The following IL3RA variants were observed in gnomAD, a reference collection of about 807,000 sequenced individuals.
IL3RA encodes the protein interleukin 3 receptor subunit alpha.
Under a neutral mutation model 52.3 loss-of-function variants are expected in IL3RA, and 73 were observed. The ratio of observed to expected loss-of-function variants is 1.40; its 90% confidence interval spans 1.16 to 1.70. The LOEUF is 1.70. Ranked by LOEUF, IL3RA falls within the 40% of genes most tolerant of loss-of-function variation. The pLI, the probability that IL3RA is intolerant of heterozygous loss-of-function variation, is 0.00. For synonymous variants in IL3RA, 260 were observed against 194.0 expected (o/e 1.34, Z -2.83); for missense variants, 664 against 504.4 (o/e 1.32, Z -3.03).
chrX:1,358,923 A>C, intron 8 of IL3RA, 36 bp downstream of exon 8: 2 of 1,568,028 alleles, frequency 1.3e-6, no homozygotes, highest in Non-Finnish European at 1.7e-6. Context: ...TGTACTTGAC[A>C]TTGCAAAGGG....
intron 2 of IL3RA, 44 bp from the exon 3 acceptor site, chrX:1,345,272 G>C (rs762454273): frequency 7.4e-7 from 1 of 1,342,452 alleles, no homozygotes. Flanking sequence ...GCCGTTTTAA[G>C]ATTCTTACGT....
rs2088967861 is a variant in IL3RA at position 1,378,651 on chromosome X, AC to A, written c.875-4del. 15 of 1,610,480 alleles carry A rather than the reference AC, an allele frequency of 9.3e-6. No individual in the cohort carries two copies. The highest frequency in any genetic ancestry group is 1.3e-5 in the Non-Finnish European group (15 of 1,178,860). ...CCGGTCTGTGACCCTCTCACCCTTT[AC>A]CCCTAGAGTGCGACCAGGAGGAGGG... is the stretch of plus-strand genomic sequence containing the variant. On this transcript the variant is annotated splice_region_variant and splice_polypyrimidine_tract_variant and intron_variant, in intron 9 of 11. Transcript: ENST00000331035.
intron 10 of IL3RA, among the ~76,000 whole-genome samples, chrX:1,380,328 A>T: frequency 7.1e-6 from 1 of 141,332 alleles, no homozygotes; most frequent in Non-Finnish European, 1.5e-5. Flanking sequence ...ATGACCAGCC[A>T]GGCCCTGTTT....
At chrX:1,344,220 G>C (rs2085626206) in intron 2 of IL3RA, among the ~76,000 whole-genome samples, 1 of 151,952 alleles carries the variant, frequency 6.6e-6, no homozygotes, top group Non-Finnish European at 1.5e-5. Context: ...GATCATGTGA[G>C]GTTGGGAGTT....
intron 10 of IL3RA, 121 bp from the exon 11 acceptor site, chrX:1,380,902 C>G: frequency 3.7e-6 from 3 of 818,664 alleles, no homozygotes; most frequent in East Asian, 2.5e-5. Context: ...AGAGACCCCT[C>G]GAGTAGATGA....
At chrX:1,345,902 G>T (rs1483748065) in intron 3 of IL3RA, among the ~76,000 whole-genome samples, 1 of 152,010 alleles carries the variant, frequency 6.6e-6, no homozygotes, top group Non-Finnish European at 1.5e-5. Context: ...CCGAAGTCAG[G>T]TGTGGGATTT....
chrX:1,359,882 C>G (rs1229969117), intron 8 of IL3RA, among the ~76,000 whole-genome samples: 1 of 131,988 alleles, frequency 7.6e-6, no homozygotes, highest in African/African-American at 2.9e-5. Context: ...TCTCTGTAAC[C>G]TTCTCCATTT....
rs145857624 is a variant in IL3RA, at chrX:1,348,457, T to G, written c.210T>G (p.Phe70Leu). The G allele has an allele frequency of 2.6e-5, 42 of 1,613,748 alleles. No homozygotes were observed. Among genetic ancestry groups the G allele is most frequent in the African/African-American group, 6.7e-5 (5 of 74,914 alleles). Residue 70 changes from phenylalanine to leucine, a missense_variant, in exon 4 of 12, where the codon TTT becomes TTG. Coordinates refer to ENST00000331035, the MANE Select transcript of IL3RA (RefSeq NM_002183.4). ...CAGTGAACAATAGCTATTGCCAGTT[T>G]GGAGCAATTTCCTTATGTGAAGTGA... is the stretch of plus-strand genomic sequence containing the variant. ...MPAVNNSYCQFGAISLCEVTN... is the reference protein window; with the variant it reads ...MPAVNNSYCQLGAISLCEVTN...
intron 9 of IL3RA, among the ~76,000 whole-genome samples, chrX:1,368,526 C>T (rs1477837451): frequency 5.9e-5 from 9 of 152,134 alleles, no homozygotes; most frequent in African/African-American, 1.7e-4. Flanking sequence ...CCTCAAAATT[C>T]GTGTGTTGAA....
At chrX:1,349,212 C>T (rs1408316577) in intron 4 of IL3RA, among the ~76,000 whole-genome samples, 14 of 147,726 alleles carry the variant, frequency 9.5e-5, no homozygotes, top group African/African-American at 2.8e-4. Context: ...GACAGAGTCT[C>T]ACTCTGTCCA....
chrX:1,348,961 T>TTC lies in IL3RA; in HGVS notation c.298+430_298+431dup, dbSNP rs764879062. ...TTCCTTCCTTCTTCCCTCCTTCCCT[T>TTC]TCTCTCTCTCTCTCTTTCTCTCTTT... On this transcript the variant is annotated intron_variant, in intron 4 of 11. Transcript: ENST00000331035. Among the ~76,000 whole-genome samples the TTC allele has an allele frequency of 2.1e-4, 31 of 145,412 alleles. No individual in the cohort carries two copies. The East Asian group carries it at 5.3e-3, about 25-fold the overall frequency.
intron 1 of IL3RA, among the ~76,000 whole-genome samples, chrX:1,340,620 G>T (rs1432368588): frequency 1.3e-5 from 2 of 152,180 alleles, no homozygotes; most frequent in Non-Finnish European, 2.9e-5. Context: ...GCACATGTGT[G>T]TACACGTGGA....
chrX:1,352,066 C>A, intron 4 of IL3RA, 34 bp from the exon 5 acceptor site: 1 of 1,610,024 alleles, frequency 6.2e-7, no homozygotes, highest in Non-Finnish European at 8.5e-7. Flanking sequence ...CGCCCGGTCC[C>A]GATTCGAGTT....
intron 8 of IL3RA, 132 bp downstream of exon 8, chrX:1,359,019 ATGT>A (rs1254299257): frequency 1.4e-5 from 9 of 654,118 alleles, no homozygotes; most frequent in South Asian, 5.5e-5. Context: ...TTAATAATAA[ATGT>A]TATTATTCAA....
In IL3RA at chrX:1,382,524, TGCACAGACTGGCTGCTGGACCTGCGCAC is replaced by T. The variant is rs1230772863; in HGVS notation, c.*63_*90del. 1.3e-6 allele frequency: 2 copies of T among 1,482,868 alleles called. No individual in the cohort carries two copies. The highest frequency in any genetic ancestry group is 1.9e-6 in the Non-Finnish European group (2 of 1,060,598). The allele number at this position is 1,482,868 out of a possible 1,614,324, so 91.9% of individuals were successfully genotyped here. ...AATCTCCCTGGCCGGGCCAGGCGCC[TGCACAGACTGGCTGCTGGACCTGCGCAC>T]GCAGCCCAGGAATGGACATTCCTAA... On this transcript the variant is annotated 3_prime_UTR_variant, in exon 12 of 12. Coordinates refer to ENST00000331035, the MANE Select transcript of IL3RA (RefSeq NM_002183.4).
chrX:1,377,240 C>CT (rs1168124056), intron 9 of IL3RA, among the ~76,000 whole-genome samples: 18 of 152,068 alleles, frequency 1.2e-4, no homozygotes, highest in Non-Finnish European at 2.4e-4. Flanking sequence ...TTTCTTTTTT[C>CT]TTTTTTTTCC....
At chrX:1,356,187 T>C in intron 6 of IL3RA, 34 bp from the exon 7 acceptor site, 1 of 1,018,316 alleles carries the variant, frequency 9.8e-7, no homozygotes. Flanking sequence ...TTTCTTGTAC[T>C]CCTAAATCCT....
intron 9 of IL3RA, among the ~76,000 whole-genome samples, chrX:1,368,255 C>A (rs1488952213): frequency 6.6e-6 from 1 of 151,998 alleles, no homozygotes. Flanking sequence ...AAGAGCGAGA[C>A]TCCATCTCAA....
At chrX:1,345,862 C>T (rs2085719917) in intron 3 of IL3RA, among the ~76,000 whole-genome samples, 1 of 151,972 alleles carries the variant, frequency 6.6e-6, no homozygotes, top group African/African-American at 2.4e-5. Flanking sequence ...CTGCTCCCAT[C>T]GCTGGTGTCA....
Sources: allele counts gnomAD v4.1 joint callset (sites outside exome capture counted in the v4.1 genomes callset), GRCh38; gene constraint gnomAD v4.1.1; transcripts MANE v1.5; gene names NCBI Gene and HGNC (gene_info 2026-07-23, HGNC 2026-07-21).